Variants in PMPCB observed in about 807,000 individuals in gnomAD.
PMPCB encodes the protein peptidase, mitochondrial processing subunit beta, also known as mitochondrial-processing peptidase subunit beta.
PMPCB carries 46 observed loss-of-function variants against 61.5 expected under a neutral mutation model. The observed-to-expected ratio is 0.75, with a 90% CI of 0.59 to 0.96. The LOEUF is 0.96. PMPCB is among the 40% of genes least tolerant of loss of function. The pLI is 0.00. For synonymous variants in PMPCB, 191 were observed against 201.6 expected, an observed-to-expected ratio of 0.95 and a Z score of 0.44; for missense variants, 590 against 602.4, an observed-to-expected ratio of 0.98 and a Z score of 0.22.
chr7:103,301,033 CT>C (rs952776024), intron 4 of PMPCB, among the ~76,000 whole-genome samples: 2 of 152,190 alleles, frequency 1.3e-5, no homozygotes, highest in African/African-American at 4.8e-5. Context: ...GTAGTTACTA[CT>C]TTGCAATTTT....
chr7:103,344,243 A>T, the PMPCB span: 1 of 380,700 alleles, frequency 2.6e-6, no homozygotes. Flanking sequence ...ACCGTAGGCA[A>T]GGAGATGCTT....
At chr7:103,305,414 T>A (rs1010841824) in intron 6 of PMPCB, among the ~76,000 whole-genome samples, 2 of 152,210 alleles carry the variant, frequency 1.3e-5, no homozygotes, top group African/African-American at 4.8e-5. Flanking sequence ...TTTTATTTTT[T>A]TCTTTTTAAA....
chr7:103,303,809 T>C lies in PMPCB; in HGVS notation c.458-33T>C, dbSNP rs777327072. 2.1e-5 allele frequency: 31 copies of C among 1,476,564 alleles called. No homozygotes were observed. In the Admixed American group the frequency reaches 2.4e-4, roughly 11 times the overall value. The allele number at this position is 1,476,564 out of a possible 1,614,324, so 91.5% of individuals were successfully genotyped here. A position where few individuals can be genotyped will look rare whatever the true frequency, so the allele number is the denominator to read the frequency against. ...TTTTAATAGTGAAAGTTAAGATTGC[T>C]GGCACGTTTTCTTATATTTTATTTT... is the stretch of plus-strand genomic sequence containing the variant. On this transcript the variant is annotated intron_variant, in intron 4 of 12. Coordinates refer to ENST00000249269, the MANE Select transcript of PMPCB (RefSeq NM_004279.3).
the PMPCB span, among the ~76,000 whole-genome samples, chr7:103,346,972 T>C: frequency 6.6e-6 from 1 of 152,240 alleles, no homozygotes; most frequent in African/African-American, 2.4e-5. Context: ...TGTACAAATA[T>C]CTCTTTGAGA....
chr7:103,345,037 A>G, the PMPCB span: 2 of 353,644 alleles, frequency 5.7e-6, no homozygotes, highest in African/African-American at 4.2e-5. Flanking sequence ...TCTGAACCTA[A>G]TCAGTGATTT....
At chr7:103,329,493 G>C (rs1818877846) in exon 13 of PMPCB, 1 of 152,102 alleles carries the variant, frequency 6.6e-6, no homozygotes, top group Non-Finnish European at 1.5e-5. Context: ...TATTTACATT[G>C]ACTGATCATT....
chr7:103,337,914 A>C, the PMPCB span: 1 of 803,354 alleles, frequency 1.2e-6, no homozygotes, highest in Admixed American at 2.3e-5. Context: ...GTGACATTTC[A>C]TCAGGAGTCC....
Position 103,297,508 on chromosome 7 carries a change from C to A in PMPCB, c.49C>A (p.Arg17=), listed in dbSNP as rs200262738. The change falls in exon 1 of 13, where the codon CGG becomes AGG. Residue 17 remains arginine (R), a synonymous_variant. Coordinates refer to ENST00000249269, the MANE Select transcript of PMPCB (RefSeq NM_004279.3). ...RVVLSSAARR[R]LWGFSESLLI... is the part of the protein sequence containing the mutation. ...GGTGTTGTCATCCGCGGCGCGGCGG[C>A]GGCTCTGGGGTTTCAGCGAGAGTCT... 61 of 1,583,808 alleles carry A rather than the reference C, an allele frequency of 3.9e-5. No homozygotes were observed. Among genetic ancestry groups the A allele is most frequent in the Non-Finnish European group, 5.2e-5 (61 of 1,165,120 alleles).
chr7:103,319,319 C>A (rs541612444), downstream of PMPCB, among the ~76,000 whole-genome samples: 2 of 152,250 alleles, frequency 1.3e-5, no homozygotes, highest in African/African-American at 2.4e-5. Context: ...CGCCTATAAT[C>A]CCAGTTACTC....
At position 103,307,726 on chromosome 7, in the gene PMPCB, G is replaced by C; in HGVS notation, c.849+18G>C. 7.2e-7 allele frequency: 1 copy of C among 1,380,588 alleles called. No homozygotes were observed. The highest frequency in any genetic ancestry group is 1.0e-6 in the Non-Finnish European group (1 of 967,668). The allele number at this position is 1,380,588 out of a possible 1,614,324, so 85.5% of individuals were successfully genotyped here. On this transcript the variant is annotated intron_variant, in intron 7 of 12. Transcript: ENST00000249269. Reference sequence around the variant, plus strand: ...GAAGTGAGGTAGGGCAAGCCTTCCAGCTAGTATTTAGCCTTTTGGATTCCT... The same window carrying C: ...GAAGTGAGGTAGGGCAAGCCTTCCACCTAGTATTTAGCCTTTTGGATTCCT...
intron 1 of PMPCB, 96 bp downstream of exon 1, chr7:103,297,654 G>C (rs775649173): frequency 5.8e-6 from 9 of 1,565,162 alleles, no homozygotes; most frequent in South Asian, 1.2e-5. Context: ...ACAGTGGGTC[G>C]GGCAGGGCCT....
chr7:103,328,885 T>C (rs1212017810), intron 12 of PMPCB: 1 of 589,928 alleles, frequency 1.7e-6, no homozygotes, highest in South Asian at 1.9e-5. Context: ...ATTTGAATAA[T>C]TTTAAATGTA....
At chr7:103,309,575 C>G (rs1275020061) in intron 8 of PMPCB, among the ~76,000 whole-genome samples, 1 of 152,014 alleles carries the variant, frequency 6.6e-6, no homozygotes, top group Admixed American at 6.5e-5. Context: ...TTAAAGTATA[C>G]AGGAGAATGT....
chr7:103,318,996 G>C (rs944960013), downstream of PMPCB, among the ~76,000 whole-genome samples: 1 of 152,116 alleles, frequency 6.6e-6, no homozygotes, highest in Non-Finnish European at 1.5e-5. Context: ...CGGATCACTT[G>C]AGGTAAGGAG....
At chr7:103,324,927 A>G (rs1818621922) in intron 12 of PMPCB, among the ~76,000 whole-genome samples, 2 of 152,142 alleles carry the variant, frequency 1.3e-5, no homozygotes, top group Admixed American at 1.3e-4. Flanking sequence ...CACAACAACA[A>G]CCTGTAGGCC....
intron 6 of PMPCB, among the ~76,000 whole-genome samples, chr7:103,306,494 T>G (rs1817595918): frequency 6.6e-6 from 1 of 152,118 alleles, no homozygotes; most frequent in African/African-American, 2.4e-5. Flanking sequence ...CTGATTGTCT[T>G]GCCTTAGCCT....
At chr7:103,300,455 C>A (rs1052304616) in intron 4 of PMPCB, 148 bp downstream of exon 4, 28 of 509,384 alleles carry the variant, frequency 5.5e-5, no homozygotes, top group South Asian at 2.5e-4. Context: ...TACAGCTGAT[C>A]TTATTTTTTT....
chr7:103,318,454 TCAG>T (rs1818195071), downstream of PMPCB, among the ~76,000 whole-genome samples: 9 of 152,342 alleles, frequency 5.9e-5, no homozygotes, highest in South Asian at 1.9e-3. Context: ...GTCCTTCCTT[TCAG>T]GCTGGTTCAA....
chr7:103,302,873 T>C (rs998127775), intron 4 of PMPCB, among the ~76,000 whole-genome samples: 1 of 152,126 alleles, frequency 6.6e-6, no homozygotes, highest in African/African-American at 2.4e-5. Flanking sequence ...AGACCTTGTC[T>C]CTTAGGGGAA....
Sources: allele counts gnomAD v4.1 joint callset (sites outside exome capture counted in the v4.1 genomes callset), GRCh38; gene constraint gnomAD v4.1.1; transcripts MANE v1.5; gene names NCBI Gene and HGNC (gene_info 2026-07-23, HGNC 2026-07-21).